The following ZNF154 variants were observed in gnomAD, a reference collection of about 807,000 sequenced individuals.
ZNF154 encodes the protein zinc finger protein 154, also known as zinc finger protein 154 (pHZ-92).
In ZNF154, 6 loss-of-function variants were observed where a neutral mutation model predicts 7.5. That is an observed-to-expected ratio of 0.80 (90% confidence interval 0.44 to 1.57). ZNF154 has a LOEUF of 1.57. Ranked by LOEUF, ZNF154 falls within the 40% of genes most tolerant of loss-of-function variation. The probability of loss-of-function intolerance (pLI) is 0.01; values close to 1 mark genes in which losing one functional copy is unlikely to be tolerated. For missense variants in ZNF154, 485 were observed against 531.4 expected (o/e 0.91, Z 0.86); for synonymous variants, 187 against 185.9 (o/e 1.01, Z -0.05).
Position 57,702,405 on chromosome 19 carries a change from G to C in ZNF154, c.544C>G (p.Leu182Val), listed in dbSNP as rs2188736. ...TCATAAGGCTTTTCTCCAGTGTGAAGTCTCCAATGGTCATTGAGACTGTAG... is the reference window on the plus strand; with the variant it reads ...TCATAAGGCTTTTCTCCAGTGTGAACTCTCCAATGGTCATTGAGACTGTAG... ...KSYSLNDHWRLHTGEKPYECR... is the reference protein window; with the variant it reads ...KSYSLNDHWRVHTGEKPYECR... Residue 182 changes from leucine to valine, a missense_variant, in exon 3 of 3, where the codon CTT (leucine) becomes GTT (valine). Physicochemically the swap from Leu to Val is conservative, Grantham distance 32. Coordinates refer to ENST00000684351, the MANE Select transcript of ZNF154 (RefSeq NM_001085384.3). 0.16 allele frequency: 254,006 copies of C among 1,613,796 alleles called. 20,930 individuals are homozygous for C. The highest frequency in any genetic ancestry group is 0.16 in the Non-Finnish European group (194,148 of 1,179,924).
chr19:57,707,528 ATCT>A (rs1454324310), intron 1 of ZNF154, among the ~76,000 whole-genome samples: 7 of 152,016 alleles, frequency 4.6e-5, no homozygotes, highest in African/African-American at 1.7e-4. Flanking sequence ...TTCCACTCTG[ATCT>A]TCTTTCCTCT....
Position 57,704,969 on chromosome 19 carries a change from G to A in ZNF154, c.44C>T (p.Thr15Ile). 1 of 1,610,980 alleles carries A rather than the reference G, an allele frequency of 6.2e-7. No individual in the cohort carries two copies. Among genetic ancestry groups the A allele is most frequent in the Non-Finnish European group, 8.5e-7 (1 of 1,178,930 alleles). ...GAAGTGTACGGCCACATCTTCAAAG[G>A]TCACAGTGCCCTGCCACAATGGGAA... ...TLRTPTQGTV[T>I]FEDVAVHFSW... Residue 15 changes from threonine (T) to isoleucine (I), a missense_variant, in exon 2 of 3, where the codon ACC becomes ATC. Thr to Ile is a moderately conservative substitution (Grantham distance 89). Transcript: ENST00000684351.
At position 57,698,777 on chromosome 19, in the gene ZNF154, A is replaced by G. The variant is rs932222371; in HGVS notation, c.*2858T>C. 6 of 152,096 alleles carry G rather than the reference A, an allele frequency of 3.9e-5. No individual in the cohort carries two copies. Among genetic ancestry groups the G allele is most frequent in the Non-Finnish European group, 8.8e-5 (6 of 68,018 alleles). 9.4% of individuals were successfully genotyped at this position (152,096 alleles called of 1,614,324 possible). Reference sequence around the variant, plus strand: ...TTTATGTTTATTTTAGACTATGGAAATGTTAGACAAAACTCAAATTTCAGC... The same window carrying G: ...TTTATGTTTATTTTAGACTATGGAAGTGTTAGACAAAACTCAAATTTCAGC... On this transcript the variant is annotated 3_prime_UTR_variant, in exon 3 of 3. Transcript: ENST00000684351.
chr19:57,699,064 T>A lies in ZNF154; in HGVS notation c.*2571A>T, dbSNP rs1367333934. 6.6e-6 allele frequency: 1 copy of A among 152,090 alleles called. No individual in the cohort carries two copies. Among genetic ancestry groups the A allele is most frequent in the Non-Finnish European group, 1.5e-5 (1 of 68,106 alleles). 9.4% of individuals were successfully genotyped at this position (152,090 alleles called of 1,614,324 possible). On this transcript the variant is annotated 3_prime_UTR_variant, in exon 3 of 3. Coordinates refer to ENST00000684351, the MANE Select transcript of ZNF154 (RefSeq NM_001085384.3). ...ACCTCGGCCTCCCAAAGTGCTGGGA[T>A]TACAGGTGTAAGCCACCGCATCTGG...
chr19:57,707,834 G>T (rs1985451993), intron 1 of ZNF154, among the ~76,000 whole-genome samples: 1 of 152,138 alleles, frequency 6.6e-6, no homozygotes, highest in South Asian at 2.1e-4. Context: ...TGACAAAAAT[G>T]GGAACACCTC....
chr19:57,704,906 C>A lies in ZNF154; in HGVS notation c.107G>T (p.Arg36Ile). ...CAGCATCACATCACGGTACAGGCATCTTTGAGCCTCATCAAGGAGACCCCA... is the reference window on the plus strand; with the variant it reads ...CAGCATCACATCACGGTACAGGCATATTTGAGCCTCATCAAGGAGACCCCA... ...EEWGLLDEAQRCLYRDVMLEN... is the reference protein window; with the variant it reads ...EEWGLLDEAQICLYRDVMLEN... Residue 36 changes from arginine (R) to isoleucine (I), a missense_variant, in exon 2 of 3, where the codon AGA becomes ATA. Transcript: ENST00000684351. 1 of 1,613,934 alleles carries A rather than the reference C, an allele frequency of 6.2e-7. No individual in the cohort carries two copies.
intron 2 of ZNF154, 106 bp from the exon 3 acceptor site, chr19:57,702,894 G>C: frequency 8.9e-7 from 1 of 1,121,828 alleles, no homozygotes; most frequent in Non-Finnish European, 1.2e-6. Context: ...CTCAAGACCA[G>C]GCTACACGTC....
chr19:57,699,425 G>A lies in ZNF154; in HGVS notation c.*2210C>T. On this transcript the variant is annotated 3_prime_UTR_variant, in exon 3 of 3. Transcript: ENST00000684351. The stretch of plus-strand genomic sequence containing the variant: ...TGAGTTCCCAATGGGTCGTAAAGCA[G>A]CAGAGACAACTCACGATATAAACAC... The A allele has an allele frequency of 3.3e-6, 1 of 305,096 alleles. No homozygotes were observed. The highest frequency in any genetic ancestry group is 6.7e-6 in the Non-Finnish European group (1 of 148,326). 18.9% of individuals were successfully genotyped at this position (305,096 alleles called of 1,614,324 possible). A position where few individuals can be genotyped will look rare whatever the true frequency, so the allele number is the denominator to read the frequency against.
rs1346722187 is a variant in ZNF154, at chr19:57,702,665, C to T, written c.284G>A (p.Gly95Glu). The T allele has an allele frequency of 6.2e-7, 1 of 1,614,060 alleles. No individual in the cohort carries two copies. The highest frequency in any genetic ancestry group is 8.5e-7 in the Non-Finnish European group (1 of 1,180,022). The change falls in exon 3 of 3, where the codon GGG becomes GAG. Residue 95 changes from glycine (G) to glutamate (E), a missense_variant. Physicochemically the swap from Gly to Glu is moderately conservative, Grantham distance 98. Transcript: ENST00000684351. ...TCCCAACTTGGCCAGGAAGTCCTTCCCAACTTCTCTGCAGGTGGAAGGCTC... is the reference window on the plus strand; with the variant it reads ...TCCCAACTTGGCCAGGAAGTCCTTCTCAACTTCTCTGCAGGTGGAAGGCTC... Reference protein sequence around the residue: ...SGEPSTCREVGKDFLAKLGFL... With the variant: ...SGEPSTCREVEKDFLAKLGFL...
intron 2 of ZNF154, 38 bp from the exon 3 acceptor site, chr19:57,702,826 T>C (rs1161281308): frequency 6.4e-7 from 1 of 1,558,742 alleles, no homozygotes; most frequent in Non-Finnish European, 8.7e-7. Context: ...ATGCCCCACC[T>C]CTATATAATT....
At chr19:57,703,362 T>C (rs974352344) in intron 2 of ZNF154, among the ~76,000 whole-genome samples, 1 of 151,530 alleles carries the variant, frequency 6.6e-6, no homozygotes. Flanking sequence ...GGTGGGTGCC[T>C]GTAGTCCCAG....
rs1294079771 is a variant in ZNF154, at chr19:57,700,942, C to T, written c.*693G>A. On this transcript the variant is annotated 3_prime_UTR_variant, in exon 3 of 3. Coordinates refer to ENST00000684351, the MANE Select transcript of ZNF154 (RefSeq NM_001085384.3). Reference sequence around the variant, plus strand: ...CCAACTGTTTTCAAACCAACCCATACATATAGAACCCCCAAGATTAATAAG... The same window carrying T: ...CCAACTGTTTTCAAACCAACCCATATATATAGAACCCCCAAGATTAATAAG... The T allele has an allele frequency of 2.0e-5, 3 of 152,344 alleles. No homozygotes were observed. Among genetic ancestry groups the T allele is most frequent in the Non-Finnish European group, 2.9e-5 (2 of 68,180 alleles). 9.4% of individuals were successfully genotyped at this position (152,344 alleles called of 1,614,324 possible).
At chr19:57,703,181 T>G (rs933183061) in intron 2 of ZNF154, among the ~76,000 whole-genome samples, 4 of 152,094 alleles carry the variant, frequency 2.6e-5, no homozygotes, top group African/African-American at 9.7e-5. Flanking sequence ...TGTTTAGCAA[T>G]TCTAGGATAA....
rs9304802 is a variant in ZNF154 at position 57,698,170 on chromosome 19, G to A, written c.*3465C>T. ...TAATGATGAATCTCAAAATAAATACGTGACTATACCCAGGGATTAAAAAAG... is the reference window on the plus strand; with the variant it reads ...TAATGATGAATCTCAAAATAAATACATGACTATACCCAGGGATTAAAAAAG... On this transcript the variant is annotated 3_prime_UTR_variant, in exon 3 of 3. Coordinates refer to ENST00000684351, the MANE Select transcript of ZNF154 (RefSeq NM_001085384.3). 95,569 of 152,000 alleles carry A rather than the reference G, an allele frequency of 0.63. 32,541 individuals carry two copies. The highest frequency in any genetic ancestry group is 0.91 in the African/African-American group (37,637 of 41,522). 9.4% of individuals were successfully genotyped at this position (152,000 alleles called of 1,614,324 possible).
chr19:57,708,648 T>A (rs1235864507), intron 1 of ZNF154, among the ~76,000 whole-genome samples: 2 of 152,152 alleles, frequency 1.3e-5, no homozygotes, highest in African/African-American at 4.8e-5. Flanking sequence ...ATCCTCACAA[T>A]GACAGTACAA....
At chr19:57,705,088 C>T (rs1985333645) in intron 1 of ZNF154, 109 bp from the exon 2 acceptor site, 2 of 1,447,420 alleles carry the variant, frequency 1.4e-6, no homozygotes, top group East Asian at 2.4e-5. Context: ...AGCTCCCCAA[C>T]TGAGAGGAGA....
intron 1 of ZNF154, 93 bp downstream of exon 1, chr19:57,708,846 T>G (rs1482497709): frequency 4.0e-6 from 6 of 1,506,926 alleles, no homozygotes; most frequent in Non-Finnish European, 5.4e-6. Flanking sequence ...TCCCCGACCC[T>G]GGGCAGCGGG....
intron 1 of ZNF154, among the ~76,000 whole-genome samples, chr19:57,707,049 G>A (rs971914393): frequency 6.8e-6 from 1 of 146,398 alleles, no homozygotes; most frequent in East Asian, 2.0e-4. Flanking sequence ...GGAGGCGGAG[G>A]TTGTGGTGAG....
chr19:57,696,447 A>T lies in ZNF154; in HGVS notation c.*5188T>A, dbSNP rs757110803. ...ACCTTTTGCCAGGATCCCAGAGAGT[A>T]CTGTGAGCACTCCTATTCCACAAAC... On this transcript the variant is annotated 3_prime_UTR_variant, in exon 3 of 3. Coordinates refer to ENST00000684351, the MANE Select transcript of ZNF154 (RefSeq NM_001085384.3). Among the ~76,000 whole-genome samples, 77 of 152,284 alleles carry T rather than the reference A, an allele frequency of 5.1e-4. No homozygotes were observed. The highest frequency in any genetic ancestry group is 9.3e-4 in the Non-Finnish European group (63 of 68,020).
Sources: allele counts gnomAD v4.1 joint callset (sites outside exome capture counted in the v4.1 genomes callset), GRCh38; gene constraint gnomAD v4.1.1; transcripts MANE v1.5; gene names NCBI Gene and HGNC (gene_info 2026-07-23, HGNC 2026-07-21).